PEBP4: variants seen among roughly 807,000 people sequenced by gnomAD.
The protein encoded by PEBP4 is phosphatidylethanolamine-binding protein 4.
Under a neutral mutation model 23.9 loss-of-function variants are expected in PEBP4, and 22 were observed. That is an observed-to-expected ratio of 0.92 (90% CI 0.66 to 1.31). PEBP4 has a LOEUF of 1.31. Ranked by LOEUF, PEBP4 falls within the 40% of genes most tolerant of loss-of-function variation. PEBP4 has a pLI of 0.00. For missense variants in PEBP4, 324 were observed against 281.7 expected, an observed-to-expected ratio of 1.15 and a Z score of -1.07; for synonymous variants, 112 against 99.3, an observed-to-expected ratio of 1.13 and a Z score of -0.76.
chr8:22,911,030 T>A (rs1808928425), intron 3 of PEBP4, among the ~76,000 whole-genome samples: 1 of 152,006 alleles, frequency 6.6e-6, no homozygotes, highest in South Asian at 2.1e-4. Flanking sequence ...GGGGAGGCTG[T>A]GCCTGTGTGG....
intron 6 of PEBP4, 60 bp from the exon 7 acceptor site, chr8:22,713,596 G>T: frequency 6.2e-7 from 1 of 1,611,232 alleles, no homozygotes; most frequent in Non-Finnish European, 8.5e-7. Context: ...TTGAAAGCTG[G>T]CAGGGGCCTG....
chr8:22,818,127 G>T (rs1353768001), intron 3 of PEBP4, among the ~76,000 whole-genome samples: 2 of 152,180 alleles, frequency 1.3e-5, no homozygotes, highest in Non-Finnish European at 2.9e-5. Context: ...ACAAATATAT[G>T]AGGACTTATT....
intron 4 of PEBP4, among the ~76,000 whole-genome samples, chr8:22,796,134 C>T (rs925139138): frequency 2.0e-5 from 3 of 152,162 alleles, no homozygotes; most frequent in Admixed American, 6.5e-5. Flanking sequence ...TGTTGGCGGA[C>T]GCTTAGAGTC....
intron 3 of PEBP4, among the ~76,000 whole-genome samples, chr8:22,887,438 C>T (rs185415263): frequency 4.1e-4 from 62 of 151,894 alleles, no homozygotes; most frequent in Admixed American, 1.4e-3. Flanking sequence ...CGTGAGCCAC[C>T]GTGCCCAGCC....
At chr8:22,824,524 T>A (rs966166241) in intron 3 of PEBP4, among the ~76,000 whole-genome samples, 2 of 152,320 alleles carry the variant, frequency 1.3e-5, no homozygotes, top group South Asian at 2.1e-4. Flanking sequence ...TCAGGATGAT[T>A]CAAGCACATT....
intron 4 of PEBP4, among the ~76,000 whole-genome samples, chr8:22,798,057 G>C (rs897018399): frequency 6.6e-6 from 1 of 152,152 alleles, no homozygotes; most frequent in Non-Finnish European, 1.5e-5. Flanking sequence ...TGAGTGCTAA[G>C]AGGGAGGCCA....
intron 3 of PEBP4, among the ~76,000 whole-genome samples, chr8:22,915,522 A>G (rs1809054943): frequency 6.6e-6 from 1 of 152,204 alleles, no homozygotes. Context: ...CCCCAGCTAT[A>G]CTGCAAGCTC....
intron 3 of PEBP4, among the ~76,000 whole-genome samples, chr8:22,832,369 T>G (rs1401205729): frequency 2.0e-5 from 3 of 152,184 alleles, no homozygotes; most frequent in African/African-American, 4.8e-5. Context: ...CTCTGCCAAG[T>G]GCACCCACAG....
chr8:22,856,528 C>T (rs1466666052), intron 3 of PEBP4, among the ~76,000 whole-genome samples: 1 of 152,134 alleles, frequency 6.6e-6, no homozygotes, highest in African/African-American at 2.4e-5. Context: ...ACGGGCCAGG[C>T]CAACATGGCG....
At chr8:22,911,636 G>C (rs1808940590) in intron 3 of PEBP4, among the ~76,000 whole-genome samples, 1 of 152,168 alleles carries the variant, frequency 6.6e-6, no homozygotes, top group Non-Finnish European at 1.5e-5. Flanking sequence ...CATTCAAAAT[G>C]CTCTTCCTTC....
intron 4 of PEBP4, among the ~76,000 whole-genome samples, chr8:22,800,166 C>T (rs80110043): frequency 0.01 from 1,597 of 152,182 alleles, 23 homozygotes; most frequent in South Asian, 0.061. Context: ...CTTTCGCTTT[C>T]TTCTTTATTG....
At chr8:22,796,159 C>A (rs1806255148) in intron 4 of PEBP4, among the ~76,000 whole-genome samples, 1 of 152,056 alleles carries the variant, frequency 6.6e-6, no homozygotes. Flanking sequence ...GTTGGCAAAT[C>A]CAAAATAAGG....
At chr8:22,864,982 C>G (rs796256829) in intron 3 of PEBP4, among the ~76,000 whole-genome samples, 1 of 152,098 alleles carries the variant, frequency 6.6e-6, no homozygotes, top group Non-Finnish European at 1.5e-5. Flanking sequence ...GGCAGGAGTG[C>G]GGGGCGGGCA....
chr8:22,865,862 C>T lies in PEBP4; in HGVS notation c.259-48127G>A, dbSNP rs1328956267. On this transcript the variant is annotated intron_variant, in intron 3 of 6. Coordinates refer to ENST00000256404, the MANE Select transcript of PEBP4 (RefSeq NM_144962.3). The surrounding 1 kb of genome is among the most constrained non-coding windows in gnomAD (Gnocchi z 6.9). ...ACTCCCGACAAGACTGAGCGCAGGG[C>T]CCACCCCGGCTGTCCCAGCTCGGGC... is the stretch of plus-strand genomic sequence containing the variant. Among the ~76,000 whole-genome samples, 1 of 152,168 alleles carries T rather than the reference C, an allele frequency of 6.6e-6. No homozygotes were observed. The highest frequency in any genetic ancestry group is 1.5e-5 in the Non-Finnish European group (1 of 68,016).
At chr8:22,823,560 T>C (rs561800692) in intron 3 of PEBP4, among the ~76,000 whole-genome samples, 2 of 151,744 alleles carry the variant, frequency 1.3e-5, no homozygotes, top group Non-Finnish European at 2.9e-5. Flanking sequence ...TATATATCTT[T>C]ATAGATATAT....
At chr8:22,905,085 T>G (rs1808784578) in intron 3 of PEBP4, among the ~76,000 whole-genome samples, 1 of 152,222 alleles carries the variant, frequency 6.6e-6, no homozygotes, top group South Asian at 2.1e-4. Flanking sequence ...TCTAGAAAAG[T>G]TGAAGCAATT....
chr8:22,810,996 G>A (rs978720358), intron 4 of PEBP4, among the ~76,000 whole-genome samples: 25 of 151,378 alleles, frequency 1.7e-4, no homozygotes, highest in African/African-American at 4.4e-4. Context: ...ATAAACCAAC[G>A]AAAAAGCTTT....
chr8:22,756,100 G>A (rs1039466351), intron 4 of PEBP4: 5 of 152,222 alleles, frequency 3.3e-5, no homozygotes, highest in African/African-American at 1.2e-4. Context: ...GCCCTGAGCT[G>A]AGACCCATAT....
intron 3 of PEBP4, among the ~76,000 whole-genome samples, chr8:22,871,695 C>A (rs187799893): frequency 2.0e-5 from 3 of 151,878 alleles, no homozygotes; most frequent in African/African-American, 7.3e-5. Flanking sequence ...GCTGGGATTA[C>A]AGGCACGTGC....
Sources: allele counts gnomAD v4.1 joint callset (sites outside exome capture counted in the v4.1 genomes callset), GRCh38; gene constraint gnomAD v4.1.1; non-coding constraint Gnocchi (gnomAD v3.1); transcripts MANE v1.5; gene names NCBI Gene and HGNC (gene_info 2026-07-23, HGNC 2026-07-21).